Variants in ACSS2 observed in about 807,000 individuals in gnomAD.
ACSS2 encodes the protein acetyl-coenzyme A synthetase, cytoplasmic.
ACSS2 carries 58 observed loss-of-function variants against 90.6 expected under a neutral mutation model. That is an observed-to-expected ratio of 0.64 (90% CI 0.52 to 0.80). ACSS2 has a LOEUF of 0.80. Ranked by LOEUF, ACSS2 falls within the 30% of genes least tolerant of loss-of-function variation. The pLI is 0.00. For synonymous variants in ACSS2, 300 were observed against 330.9 expected (o/e 0.91, Z 1.01); for missense variants, 759 against 912.0 (o/e 0.83, Z 2.16).
Position 34,927,117 on chromosome 20 carries a change from T to C in ACSS2, c.2009T>C (p.Ile670Thr), listed in dbSNP as rs1344300409. 4.3e-6 allele frequency: 7 copies of C among 1,614,036 alleles called. No individual in the cohort carries two copies. Among genetic ancestry groups the C allele is most frequent in the Non-Finnish European group, 5.9e-6 (7 of 1,180,026 alleles). ...GKIMRRVLRKIAQNDHDLGDM... is the reference protein window; with the variant it reads ...GKIMRRVLRKTAQNDHDLGDM... ...ATCATGAGGCGAGTGCTTCGGAAGA[T>C]TGCTCAGAATGACCATGACCTCGGG... Residue 670 changes from isoleucine to threonine, a missense_variant, in exon 18 of 18, where the codon ATT becomes ACT. Physicochemically the swap from Ile to Thr is moderately conservative, Grantham distance 89. Coordinates refer to ENST00000360596, the MANE Select transcript of ACSS2 (RefSeq NM_018677.4). This position sits in a 1 kb window ranked among gnomAD's most constrained non-coding sequence, Gnocchi z 4.2.
At chr20:34,875,417 A>C (rs2079885419), upstream of ACSS2, among the ~76,000 whole-genome samples, 1 of 152,122 alleles carries the variant, frequency 6.6e-6, no homozygotes, top group Non-Finnish European at 1.5e-5. Flanking sequence ...AAAAATACAA[A>C]AATTAGCTGG....
rs781270440 is a variant in ACSS2 at position 34,921,344 on chromosome 20, C to A, written c.1292C>A (p.Ser431Tyr). ...CCCTGCCCCAGGCATAGCCGGGCAT[C>A]CTTGCAGGTGTTAGGCACAGTGGGT... ...DEPVTKHSRA[S>Y]LQVLGTVGEP... The change falls in exon 11 of 18, where the codon TCC (serine) becomes TAC (tyrosine). Residue 431 changes from serine to tyrosine, a missense_variant. Ser to Tyr is a moderately radical substitution (Grantham distance 144). Transcript: ENST00000360596. 19 of 1,614,080 alleles carry A rather than the reference C, an allele frequency of 1.2e-5. No homozygotes were observed. Among genetic ancestry groups the A allele is most frequent in the Non-Finnish European group, 1.6e-5 (19 of 1,180,026 alleles).
At position 34,885,765 on chromosome 20, in the gene ACSS2, A is replaced by C. The variant is rs142036318; in HGVS notation, c.374+2776A>C. On this transcript the variant is annotated intron_variant, in intron 2 of 17. Transcript: ENST00000360596. ...AGAAGCAGTATTCCATGGAACACCC[A>C]CTGGGGAAGCACTGGATTAAATAAT... Among the ~76,000 whole-genome samples, 619 of 152,314 alleles carry C rather than the reference A, an allele frequency of 4.1e-3. 2 individuals are homozygous for C. Among genetic ancestry groups the C allele is most frequent in the African/African-American group, 0.014 (587 of 41,542 alleles).
chr20:34,904,149 G>A (rs1348322118), intron 2 of ACSS2, among the ~76,000 whole-genome samples: 1 of 151,826 alleles, frequency 6.6e-6, no homozygotes, highest in Non-Finnish European at 1.5e-5. Context: ...TTAGCTTTTG[G>A]GTAGGTGAGA....
chr20:34,926,684 G>A (rs2081326091), intron 16 of ACSS2, among the ~76,000 whole-genome samples, 193 bp from the exon 17 acceptor site: 2 of 152,090 alleles, frequency 1.3e-5, no homozygotes, highest in Admixed American at 6.6e-5. Flanking sequence ...TCTACAGCCT[G>A]AGTTCCATAA....
At chr20:34,884,426 T>C (rs1428798294) in intron 2 of ACSS2, among the ~76,000 whole-genome samples, 2 of 152,274 alleles carry the variant, frequency 1.3e-5, no homozygotes, top group South Asian at 2.1e-4. Context: ...TAACATGTTA[T>C]ATAACCACAG....
At chr20:34,887,271 G>A (rs6058137) in intron 2 of ACSS2, among the ~76,000 whole-genome samples, 101,221 of 152,044 alleles carry the variant, frequency 0.67, 35,230 homozygotes, top group African/African-American at 0.87. Flanking sequence ...TTTTTCACTC[G>A]TGACACTACC....
At chr20:34,906,938 C>T (rs1444191986) in intron 2 of ACSS2, among the ~76,000 whole-genome samples, 1 of 138,200 alleles carries the variant, frequency 7.2e-6, no homozygotes, top group African/African-American at 2.8e-5. Context: ...GAGCCGAGAT[C>T]GCACTATTGC....
At chr20:34,915,224 C>G (rs368181115) in intron 7 of ACSS2, 1 of 1,613,816 alleles carries the variant, frequency 6.2e-7, no homozygotes, top group African/African-American at 1.3e-5. Flanking sequence ...ACAGGGTAAA[C>G]TGAAAGAGAA....
At position 34,913,192 on chromosome 20, in the gene ACSS2, G is replaced by GT. The variant is rs1454655338; in HGVS notation, c.466+6dup. 1.2e-6 allele frequency: 2 copies of GT among 1,613,950 alleles called. No individual in the cohort carries two copies. Among genetic ancestry groups the GT allele is most frequent in the Non-Finnish European group, 1.7e-6 (2 of 1,179,844 alleles). Reference sequence around the variant, plus strand: ...GCAATGTTCTCCGAAAACAGGGTGAGTGTGGGGGTGTGGGAAAGGACTGGG... The same window carrying GT: ...GCAATGTTCTCCGAAAACAGGGTGAGTTGTGGGGGTGTGGGAAAGGACTGGG... On this transcript the variant is annotated splice_donor_region_variant and intron_variant, in intron 3 of 17. Transcript: ENST00000360596.
Position 34,920,654 on chromosome 20 carries a change from C to T in ACSS2, c.1088C>T (p.Thr363Ile), listed in dbSNP as rs1250767480. 5.0e-6 allele frequency: 8 copies of T among 1,614,076 alleles called. No homozygotes were observed. In the Admixed American group the frequency reaches 1.3e-4, roughly 27 times the overall value. The change falls in exon 9 of 18, where the codon ACT becomes ATT. Residue 363 changes from threonine (T) to isoleucine (I), a missense_variant. Coordinates refer to ENST00000360596, the MANE Select transcript of ACSS2 (RefSeq NM_018677.4). ...TGCACGGCAGACATTGGTTGGATCA[C>T]TGGTCATTCCTACGTCACCTATGGG... ...FWCTADIGWI[T>I]GHSYVTYGPL...
chr20:34,899,423 T>TCTTTCTTTCCTTCC (rs1555882567), intron 2 of ACSS2, among the ~76,000 whole-genome samples: 42 of 113,076 alleles, frequency 3.7e-4, no homozygotes, highest in South Asian at 1.3e-3. Flanking sequence ...TCTTTCTTTC[T>TCTTTCTTTCCTTCC]TTCCTTCCTT....
At position 34,914,362 on chromosome 20, in the gene ACSS2, G is replaced by A. The variant is rs992279435; in HGVS notation, c.759G>A (p.Leu253=). Residue 253 remains leucine, a synonymous_variant, in exon 7 of 18, where the codon CTG becomes CTA. Coordinates refer to ENST00000360596, the MANE Select transcript of ACSS2 (RefSeq NM_018677.4). ...GATGCTGCATTGTGGTCAAGCACCTGGGGCGGGCAGAGCTCGGCATGGGTG... is the reference window on the plus strand; with the variant it reads ...GATGCTGCATTGTGGTCAAGCACCTAGGGCGGGCAGAGCTCGGCATGGGTG... ...PVRCCIVVKH[L]GRAELGMGDS... is the part of the protein sequence containing the mutation. 6.2e-7 allele frequency: 1 copy of A among 1,613,918 alleles called. No individual in the cohort carries two copies. Among genetic ancestry groups the A allele is most frequent in the Non-Finnish European group, 8.5e-7 (1 of 1,179,912 alleles).
At chr20:34,893,539 A>AT (rs1191367309) in intron 2 of ACSS2, 4,721 of 132,196 alleles carry the variant, frequency 0.036, 108 homozygotes, top group Middle Eastern at 0.062. Context: ...TGCCCAGCTA[A>AT]TTTTTTTTTT....
chr20:34,876,454 C>G (rs2079908148), upstream of ACSS2: 1 of 528,550 alleles, frequency 1.9e-6, no homozygotes, highest in Admixed American at 4.4e-5. Context: ...TCTGTCCTTG[C>G]CAACCTCGAT....
chr20:34,906,523 A>C (rs568471963), intron 2 of ACSS2, among the ~76,000 whole-genome samples: 115 of 152,088 alleles, frequency 7.6e-4, no homozygotes, highest in African/African-American at 1.8e-3. Flanking sequence ...ATAGCCAAGG[A>C]GAGGAATGCA....
intron 1 of ACSS2, among the ~76,000 whole-genome samples, chr20:34,878,587 A>G (rs190916798): frequency 1.2e-4 from 19 of 152,370 alleles, no homozygotes; most frequent in African/African-American, 4.6e-4. Flanking sequence ...AATCAAGTGT[A>G]AAGTGGTGGA....
chr20:34,914,233 G>A, intron 6 of ACSS2, 62 bp downstream of exon 6: 2 of 1,608,660 alleles, frequency 1.2e-6, no homozygotes, highest in East Asian at 2.2e-5. Flanking sequence ...GGTTCCCTTT[G>A]TCCCCTCTAC....
intron 2 of ACSS2, among the ~76,000 whole-genome samples, chr20:34,885,646 T>A (rs1163161152): frequency 6.6e-6 from 1 of 152,248 alleles, no homozygotes; most frequent in Non-Finnish European, 1.5e-5. Flanking sequence ...AGATGTCCTA[T>A]ATTAGAGATA....
Sources: allele counts gnomAD v4.1 joint callset (sites outside exome capture counted in the v4.1 genomes callset), GRCh38; gene constraint gnomAD v4.1.1; non-coding constraint Gnocchi (gnomAD v3.1); transcripts MANE v1.5; gene names NCBI Gene and HGNC (gene_info 2026-07-23, HGNC 2026-07-21).